LUZP1: variants seen among roughly 807,000 people sequenced by gnomAD.
LUZP1 encodes the protein filamin mechanobinding actin cross-linking protein.
In LUZP1, 25 loss-of-function variants were observed where a neutral mutation model predicts 71.3. The observed-to-expected ratio is 0.35, with a 90% CI of 0.26 to 0.49. The LOEUF (loss-of-function observed/expected upper bound fraction) is 0.49, where lower values mean the gene tolerates loss of function less well. LUZP1 is among the 20% of genes least tolerant of loss of function. LUZP1 has a pLI of 0.99. For missense variants in LUZP1, 1,142 were observed against 1,300.8 expected (o/e 0.88, Z 1.88); for synonymous variants, 481 against 506.4 (o/e 0.95, Z 0.67).
chr1:23,139,019 A>AAAAAAAAAAATATATATAT (rs1317355746), intron 2 of LUZP1, among the ~76,000 whole-genome samples: 2 of 59,962 alleles, frequency 3.3e-5, no homozygotes, highest in South Asian at 7.8e-4. Context: ...AAAAAAAAAA[A>AAAAAAAAAAATATATATAT]ATATATATAT....
intron 2 of LUZP1, among the ~76,000 whole-genome samples, chr1:23,168,239 T>G (rs1280544029): frequency 2.8e-5 from 4 of 142,872 alleles, no homozygotes; most frequent in Non-Finnish European, 6.1e-5. Flanking sequence ...CTCCTCCTCC[T>G]GCTGCTGCAG....
intron 2 of LUZP1, among the ~76,000 whole-genome samples, chr1:23,161,169 T>G (rs1220276313): frequency 6.6e-6 from 1 of 152,208 alleles, no homozygotes. Flanking sequence ...AGAGATACAC[T>G]GGAGAACAAA....
intron 1 of LUZP1, among the ~76,000 whole-genome samples, chr1:23,174,006 T>G (rs1237998647): frequency 6.6e-6 from 1 of 152,256 alleles, no homozygotes; most frequent in Middle Eastern, 3.4e-3. Flanking sequence ...TGTCCCTGTC[T>G]GTATTAGTCA....
chr1:23,173,306 C>CT lies in LUZP1; in HGVS notation c.-485+4184dup, dbSNP rs59499596. ...AGCTAGAGAACCTTCAGTTTTTTTT[C>CT]TTTTTTTTTTGCTTTGCTGAGTTTC... On this transcript the variant is annotated intron_variant, in intron 1 of 4. Transcript: ENST00000302291. Among the ~76,000 whole-genome samples, 310 of 125,570 alleles carry CT rather than the reference C, an allele frequency of 2.5e-3. 1 individual carries two copies. The highest frequency in any genetic ancestry group is 8.8e-3 in the Middle Eastern group (2 of 228). 82.4% of individuals were successfully genotyped at this position (125,570 alleles called of 152,430 possible). A position where few individuals can be genotyped will look rare whatever the true frequency, so the allele number is the denominator to read the frequency against.
intron 2 of LUZP1, among the ~76,000 whole-genome samples, chr1:23,142,467 C>T (rs1644310680): frequency 6.6e-6 from 1 of 151,984 alleles, no homozygotes; most frequent in African/African-American, 2.4e-5. Flanking sequence ...CACATTTTTG[C>T]TGTTTGATCA....
chr1:23,124,796 C>G (rs1343680024), intron 2 of LUZP1, among the ~76,000 whole-genome samples: 1 of 152,168 alleles, frequency 6.6e-6, no homozygotes, highest in East Asian at 1.9e-4. Flanking sequence ...ACTTCATATT[C>G]TAGTATCTAG....
intron 2 of LUZP1, among the ~76,000 whole-genome samples, chr1:23,154,511 C>A (rs1644406957): frequency 6.6e-6 from 1 of 152,034 alleles, no homozygotes; most frequent in South Asian, 2.1e-4. Context: ...TGCATTCCAG[C>A]CTAGGGAACA....
rs1644459896 is a variant in LUZP1, at chr1:23,160,942, T to C, written c.-226+7824A>G. Among the ~76,000 whole-genome samples the C allele has an allele frequency of 2.6e-5, 4 of 152,178 alleles. No homozygotes were observed. The South Asian group carries it at 8.3e-4, about 32-fold the overall frequency. On this transcript the variant is annotated intron_variant, in intron 2 of 4. Transcript: ENST00000302291. ...AAGGTGGTACTGGCAATAAATGCTA[T>C]AAAATTTTAGAGAAGAAAGATTAAC...
chr1:23,172,687 G>C (rs980497575), intron 1 of LUZP1, among the ~76,000 whole-genome samples: 3 of 151,650 alleles, frequency 2.0e-5, no homozygotes, highest in African/African-American at 7.3e-5. Context: ...GGTAATTTTT[G>C]TATTTTTAGT....
exon 1 of LUZP1, chr1:23,177,533 G>C (rs1031897103): frequency 6.6e-6 from 1 of 152,518 alleles, no homozygotes; most frequent in Non-Finnish European, 1.5e-5. Context: ...CCAAAAGAGA[G>C]GGCTGGACAC....
rs1643881908 is a variant in LUZP1, at chr1:23,094,306, C to T, written c.-45G>A. ...GGGCTCCTAGAGGCATCCAATTCCA[C>T]TCAAGGGGATGAGAAATGGTTACCT... On this transcript the variant is annotated 5_prime_UTR_variant, in exon 4 of 5. It adds an upstream start codon to the 5' untranslated region. Coordinates refer to ENST00000302291, the Ensembl canonical transcript of LUZP1. The surrounding 1 kb of genome is among the most constrained non-coding windows in gnomAD (Gnocchi z 4.7). 3 of 1,527,196 alleles carry T rather than the reference C, an allele frequency of 2.0e-6. No individual in the cohort carries two copies. The African/African-American group carries it at 4.2e-5, about 21-fold the overall frequency. 94.6% of individuals were successfully genotyped at this position (1,527,196 alleles called of 1,614,324 possible). A position where few individuals can be genotyped will look rare whatever the true frequency, so the allele number is the denominator to read the frequency against.
At chr1:23,101,333 T>G (rs754906134) in intron 3 of LUZP1, among the ~76,000 whole-genome samples, 28 of 152,166 alleles carry the variant, frequency 1.8e-4, no homozygotes, top group Non-Finnish European at 2.8e-4. Context: ...CTACTATTAT[T>G]CTATTCAGCT....
intron 2 of LUZP1, among the ~76,000 whole-genome samples, chr1:23,160,997 G>A (rs1421254987): frequency 1.3e-5 from 2 of 152,178 alleles, no homozygotes; most frequent in Non-Finnish European, 2.9e-5. Flanking sequence ...ACTTCAAAGA[G>A]GGAGAACTGA....
At chr1:23,138,339 A>G (rs1044328107) in intron 2 of LUZP1, among the ~76,000 whole-genome samples, 4 of 152,230 alleles carry the variant, frequency 2.6e-5, no homozygotes, top group African/African-American at 9.6e-5. Flanking sequence ...GTACTGATAG[A>G]TACTACAAAA....
chr1:23,148,780 T>C (rs996475103), intron 2 of LUZP1, among the ~76,000 whole-genome samples: 7 of 152,116 alleles, frequency 4.6e-5, no homozygotes, highest in Non-Finnish European at 7.4e-5. Context: ...CTAACAAGCA[T>C]TTACCAAAGG....
chr1:23,164,699 C>T (rs181431755), intron 2 of LUZP1, among the ~76,000 whole-genome samples: 1 of 152,078 alleles, frequency 6.6e-6, no homozygotes, highest in Admixed American at 6.5e-5. Context: ...ATCTTCCCCG[C>T]AAGCCACAAT....
chr1:23,110,477 T>C (rs141955014), intron 2 of LUZP1, among the ~76,000 whole-genome samples: 1 of 152,260 alleles, frequency 6.6e-6, no homozygotes, highest in African/African-American at 2.4e-5. Flanking sequence ...TATCCTCCCT[T>C]CTTTCATCAC....
chr1:23,144,473 T>C (rs748844355), intron 2 of LUZP1, among the ~76,000 whole-genome samples: 3 of 152,192 alleles, frequency 2.0e-5, no homozygotes, highest in Non-Finnish European at 2.9e-5. Flanking sequence ...AAGAGTTAAA[T>C]TGGTGAAACA....
chr1:23,168,159 C>CCGGCCCG (rs1000015753), intron 2 of LUZP1, among the ~76,000 whole-genome samples: 27 of 145,170 alleles, frequency 1.9e-4, no homozygotes, highest in Admixed American at 4.1e-4. Context: ...CCCTCCCCGC[C>CCGGCCCG]CGGCCCGCGG....
Sources: gnomAD v4.1 joint callset for allele counts (sites outside exome capture counted in the v4.1 genomes callset) on GRCh38, gnomAD v4.1.1 for gene constraint, Gnocchi (gnomAD v3.1) non-coding constraint, MANE v1.5 for transcripts, NCBI Gene and HGNC (gene_info 2026-07-23, HGNC 2026-07-21) for gene names.